SUCO: variants seen among roughly 807,000 people sequenced by gnomAD.
The protein encoded by SUCO is SUN domain-containing ossification factor.
In SUCO, 57 loss-of-function variants were observed where a neutral mutation model predicts 148.1. The observed-to-expected ratio is 0.38, with a 90% CI of 0.31 to 0.48. The LOEUF (loss-of-function observed/expected upper bound fraction) is 0.48. SUCO is among the 20% of genes least tolerant of loss of function. The probability of loss-of-function intolerance (pLI) is 0.96; values close to 1 mark genes in which losing one functional copy is unlikely to be tolerated. For missense variants in SUCO, 1,331 were observed against 1,468.2 expected (o/e 0.91, Z 1.53); for synonymous variants, 470 against 502.7 (o/e 0.93, Z 0.87).
intron 4 of SUCO, chr1:172,557,033 A>T: frequency 1.0e-6 from 1 of 970,122 alleles, no homozygotes; most frequent in Non-Finnish European, 1.2e-6. Flanking sequence ...TTTAGAGAAG[A>T]TACATTGAGA....
rs1254547079 is a variant in SUCO, at chr1:172,578,207, G to A, written c.1341-91G>A. The A allele has an allele frequency of 5.0e-6, 5 of 1,002,408 alleles. No homozygotes were observed. The Admixed American group carries it at 9.6e-5, about 19-fold the overall frequency. 62.1% of individuals were successfully genotyped at this position (1,002,408 alleles called of 1,614,324 possible). ...CAAAAGCCAGTGGCCCTCAAAATATGACCAAAGTTGATGTTTGTCATTTAT... is the reference window on the plus strand; with the variant it reads ...CAAAAGCCAGTGGCCCTCAAAATATAACCAAAGTTGATGTTTGTCATTTAT... On this transcript the variant is annotated intron_variant, in intron 13 of 23. Coordinates refer to ENST00000263688, the MANE Select transcript of SUCO (RefSeq NM_014283.5).
intron 1 of SUCO, among the ~76,000 whole-genome samples, chr1:172,542,112 G>C (rs1652504015): frequency 6.6e-6 from 1 of 152,166 alleles, no homozygotes. Flanking sequence ...AGGCACGGTG[G>C]CTTATGCCTG....
intron 6 of SUCO, among the ~76,000 whole-genome samples, chr1:172,559,332 A>C (rs930312123): frequency 1.3e-5 from 2 of 152,106 alleles, no homozygotes; most frequent in African/African-American, 4.8e-5. Context: ...TTTTTGTTGC[A>C]GTTTTTGTAT....
intron 6 of SUCO, 47 bp downstream of exon 6, chr1:172,557,841 T>C (rs749199991): frequency 1.6e-5 from 23 of 1,414,808 alleles, no homozygotes; most frequent in Non-Finnish European, 2.1e-5. Context: ...TGTAATGCAT[T>C]TTTGTTATTA....
At chr1:172,586,310 CA>C (rs1656240585) in intron 17 of SUCO, among the ~76,000 whole-genome samples, 1 of 151,886 alleles carries the variant, frequency 6.6e-6, no homozygotes, top group Non-Finnish European at 1.5e-5. Context: ...AGTTTAAAAG[CA>C]TTGATCTGTG....
intron 22 of SUCO, among the ~76,000 whole-genome samples, chr1:172,604,597 A>G (rs1657741706): frequency 6.6e-6 from 1 of 151,902 alleles, no homozygotes; most frequent in Admixed American, 6.6e-5. Flanking sequence ...AAGTATAGTT[A>G]CATTGTTGTG....
intron 13 of SUCO, among the ~76,000 whole-genome samples, 175 bp downstream of exon 13, chr1:172,577,994 TA>T (rs3214152): frequency 3.3e-4 from 49 of 149,982 alleles, no homozygotes; most frequent in African/African-American, 1.1e-3. Context: ...TATCCTCTTT[TA>T]AAAAAAAAAC....
Position 172,584,342 on chromosome 1 carries a change from T to C in SUCO, c.1499-676T>C, listed in dbSNP as rs917714568. ...TAGAGAATTTTTAAAGAAAAATAGGTTTTTCTGTAAAATAAGAATTTTGGT... is the reference window on the plus strand; with the variant it reads ...TAGAGAATTTTTAAAGAAAAATAGGCTTTTCTGTAAAATAAGAATTTTGGT... On this transcript the variant is annotated intron_variant, in intron 15 of 23. Transcript: ENST00000263688. 14 of 927,918 alleles carry C rather than the reference T, an allele frequency of 1.5e-5. No homozygotes were observed. The South Asian group carries it at 3.0e-4, about 20-fold the overall frequency. 57.5% of individuals were successfully genotyped at this position (927,918 alleles called of 1,614,324 possible). A position where few individuals can be genotyped will look rare whatever the true frequency, so the allele number is the denominator to read the frequency against.
intron 6 of SUCO, among the ~76,000 whole-genome samples, chr1:172,566,519 A>G (rs1654564096): frequency 6.6e-6 from 1 of 152,262 alleles, no homozygotes; most frequent in South Asian, 2.1e-4. Flanking sequence ...TTCAAGGGCA[A>G]GCTGGTGGTG....
chr1:172,583,695 A>G (rs1222062062), intron 15 of SUCO, among the ~76,000 whole-genome samples: 1 of 152,180 alleles, frequency 6.6e-6, no homozygotes, highest in Non-Finnish European at 1.5e-5. Flanking sequence ...ATGATGATTA[A>G]TATGTAGCCC....
Position 172,589,239 on chromosome 1 carries a change from A to G in SUCO, c.2138A>G (p.Asn713Ser), listed in dbSNP as rs1656452141. 1 of 1,613,966 alleles carries G rather than the reference A, an allele frequency of 6.2e-7. No homozygotes were observed. The highest frequency in any genetic ancestry group is 1.3e-5 in the African/African-American group (1 of 75,024). Reference protein sequence around the residue: ...SSSMHQDDLVNHTVDAVELEP... With the variant: ...SSSMHQDDLVSHTVDAVELEP... ...AGTATGCACCAGGATGACTTGGTGAATCACACTGTAGATGCAGTTGAACTT... is the reference window on the plus strand; with the variant it reads ...AGTATGCACCAGGATGACTTGGTGAGTCACACTGTAGATGCAGTTGAACTT... Residue 713 changes from asparagine to serine, a missense_variant, in exon 18 of 24, where the codon AAT (asparagine) becomes AGT (serine). Transcript: ENST00000263688.
rs950138564 is a variant in SUCO at position 172,578,609 on chromosome 1, A to G, written c.1432+220A>G. ...CCAAGCTTATCTATCACTTATTTGT[A>G]ACTGAAACTCCCTTCTATAACATTA... On this transcript the variant is annotated intron_variant, in intron 14 of 23. Coordinates refer to ENST00000263688, the MANE Select transcript of SUCO (RefSeq NM_014283.5). The G allele has an allele frequency of 6.9e-6, 6 of 872,748 alleles. No homozygotes were observed. The African/African-American group carries it at 1.1e-4, about 16-fold the overall frequency. The allele number at this position is 872,748 out of a possible 1,614,324, so 54.1% of individuals were successfully genotyped here.
chr1:172,534,039 G>A (rs761513608), intron 1 of SUCO, among the ~76,000 whole-genome samples: 11 of 152,150 alleles, frequency 7.2e-5, no homozygotes, highest in Non-Finnish European at 1.3e-4. Flanking sequence ...AAACTTGGGG[G>A]GCGTGTGTGT....
intron 20 of SUCO, among the ~76,000 whole-genome samples, chr1:172,601,606 G>GT (rs1264642249): frequency 2.0e-5 from 3 of 152,032 alleles, no homozygotes; most frequent in African/African-American, 7.2e-5. Flanking sequence ...CAGAATATTT[G>GT]TAAGTTGTAG....
intron 16 of SUCO, 108 bp from the exon 17 acceptor site, chr1:172,585,750 A>G: frequency 2.9e-6 from 2 of 700,696 alleles, no homozygotes; most frequent in Admixed American, 5.3e-5. Context: ...TGCAGTAGCA[A>G]ACCTATTTGG....
At chr1:172,599,333 A>G (rs2149268609) in intron 19 of SUCO, 1 of 422,070 alleles carries the variant, frequency 2.4e-6, no homozygotes, top group African/African-American at 2.1e-5. Flanking sequence ...CGTCTCAAAA[A>G]AAAATAAAAG....
At chr1:172,598,388 A>C (rs1657270822) in intron 19 of SUCO, among the ~76,000 whole-genome samples, 1 of 152,050 alleles carries the variant, frequency 6.6e-6, no homozygotes, top group South Asian at 2.1e-4. Context: ...TAAGTCCTCC[A>C]ATTTTATTCT....
At chr1:172,590,866 AAG>A in intron 18 of SUCO, 116 bp from the exon 19 acceptor site, 1 of 686,888 alleles carries the variant, frequency 1.5e-6, no homozygotes, top group South Asian at 1.9e-5. Context: ...AGGCCTGAAT[AAG>A]AGTCACTTTC....
chr1:172,551,492 T>C lies in SUCO; in HGVS notation c.63-20T>C. 1 of 1,436,492 alleles carries C rather than the reference T, an allele frequency of 7.0e-7. No individual in the cohort carries two copies. The highest frequency in any genetic ancestry group is 1.2e-5 in the South Asian group (1 of 81,046). 89.0% of individuals were successfully genotyped at this position (1,436,492 alleles called of 1,614,324 possible). ...CTCTTTCTCTTTTTCTGTTTGTTGG[T>C]GGTGGTGGGTGTTTTACAGGCTTCC... On this transcript the variant is annotated intron_variant, in intron 1 of 23. Transcript: ENST00000263688.
Sources: allele counts gnomAD v4.1 joint callset (sites outside exome capture counted in the v4.1 genomes callset), GRCh38; gene constraint gnomAD v4.1.1; transcripts MANE v1.5; gene names NCBI Gene and HGNC (gene_info 2026-07-23, HGNC 2026-07-21).